INPP5J: variants seen among roughly 807,000 people sequenced by gnomAD.
The protein encoded by INPP5J is phosphatidylinositol 4,5-bisphosphate 5-phosphatase A.
INPP5J carries 75 observed loss-of-function variants against 86.6 expected under a neutral mutation model. The observed-to-expected ratio is 0.87, with a 90% CI of 0.72 to 1.05. The LOEUF (loss-of-function observed/expected upper bound fraction) is 1.05, where lower values mean the gene tolerates loss of function less well. Among genes scored for constraint, INPP5J ranks in the 50% least tolerant of loss-of-function variants. The pLI, the probability that INPP5J is intolerant of heterozygous loss-of-function variation, is 0.00. For synonymous variants in INPP5J, 540 were observed against 550.0 expected, an observed-to-expected ratio of 0.98 and a Z score of 0.25; for missense variants, 1,229 against 1,341.2, an observed-to-expected ratio of 0.92 and a Z score of 1.31.
At position 31,124,815 on chromosome 22, in the gene INPP5J, A is replaced by C. The variant is rs1331812373; in HGVS notation, c.106-30A>C. On this transcript the variant is annotated intron_variant, in intron 1 of 12. Transcript: ENST00000331075. The stretch of plus-strand genomic sequence containing the variant: ...GGGGCCCAATGCCCTGGTTAGGGTC[A>C]CTCTGAATCTTTGACTTGTCCTCCA... 5 of 1,585,180 alleles carry C rather than the reference A, an allele frequency of 3.2e-6. 1 individual carries two copies. The Admixed American group carries it at 8.5e-5, about 27-fold the overall frequency.
At chr22:31,130,955 G>T (rs1364255783) in intron 9 of INPP5J, among the ~76,000 whole-genome samples, 1 of 152,156 alleles carries the variant, frequency 6.6e-6, no homozygotes, top group Non-Finnish European at 1.5e-5. Flanking sequence ...CTCTGCAGTG[G>T]CAGAGCAGGG....
intron 9 of INPP5J, among the ~76,000 whole-genome samples, chr22:31,132,670 T>C (rs1922156993): frequency 6.8e-6 from 1 of 148,110 alleles, no homozygotes; most frequent in African/African-American, 2.5e-5. Context: ...ACCCGGGAGG[T>C]GGAGGTTGCA....
rs755508226 is a variant in INPP5J at position 31,133,666 on chromosome 22, C to A, written c.2466C>A (p.Tyr822Ter). ...GCCATGGAGACTTCATCCTGGGCTA[C>A]TATAGTCACAACCACAGCATCCTCA... Reference protein sequence around the residue: ...PKGHGDFILGYYSHNHSILIG... With the variant: ...PKGHGDFILG The change falls in exon 12 of 13, where the codon TAC becomes TAA. Residue 822 changes from tyrosine to a stop codon, truncating the protein, a stop_gained. Transcript: ENST00000331075. LOFTEE classifies it high-confidence loss of function. The A allele has an allele frequency of 1.2e-6, 2 of 1,613,334 alleles. No homozygotes were observed.
rs1413537351 is a variant in INPP5J at position 31,126,414 on chromosome 22, C to T, written c.1310C>T (p.Pro437Leu). 1 of 1,613,684 alleles carries T rather than the reference C, an allele frequency of 6.2e-7. No individual in the cohort carries two copies. Among genetic ancestry groups the T allele is most frequent in the African/African-American group, 1.3e-5 (1 of 74,900 alleles). The change falls in exon 3 of 13, where the codon CCC becomes CTC. Residue 437 changes from proline to leucine, a missense_variant. Physicochemically the swap from Pro to Leu is moderately conservative, Grantham distance 98 (BLOSUM62 -3). Coordinates refer to ENST00000331075, the MANE Select transcript of INPP5J (RefSeq NM_001284285.2). ...ACATGGAACGTGGGCACTGCCATGC[C>T]CCCAGACGATGTCACATCCCTCCTC... The part of the protein sequence containing the change: ...VVTWNVGTAM[P>L]PDDVTSLLHL...
intron 1 of INPP5J, 27 bp downstream of exon 1, chr22:31,123,146 C>T: frequency 2.2e-6 from 3 of 1,393,300 alleles, no homozygotes; most frequent in Non-Finnish European, 2.9e-6. Flanking sequence ...CCAGTGCCCC[C>T]CGCTTTCCTG....
chr22:31,128,582 G>A lies in INPP5J; in HGVS notation c.2121G>A (p.Gln707=), dbSNP rs1569288006. 1.9e-6 allele frequency: 3 copies of A among 1,612,982 alleles called. No individual in the cohort carries two copies. The highest frequency in any genetic ancestry group is 2.5e-6 in the Non-Finnish European group (3 of 1,179,732). Residue 707 remains glutamine (Q), a synonymous_variant, in exon 9 of 13, where the codon CAG becomes CAA. Coordinates refer to ENST00000331075, the MANE Select transcript of INPP5J (RefSeq NM_001284285.2). ...AGAGCCACCGACTCCAGGTGACGCAGCACAGCTACCGCAGCCACATGGAAT... is the reference window on the plus strand; with the variant it reads ...AGAGCCACCGACTCCAGGTGACGCAACACAGCTACCGCAGCCACATGGAAT... ...GRKSHRLQVT[Q]HSYRSHMEYT...
Position 31,125,613 on chromosome 22 carries a change from C to T in INPP5J, c.874C>T (p.Pro292Ser), listed in dbSNP as rs1921305722. 1 of 1,550,544 alleles carries T rather than the reference C, an allele frequency of 6.4e-7. No homozygotes were observed. Among genetic ancestry groups the T allele is most frequent in the East Asian group, 2.4e-5 (1 of 40,906 alleles). Residue 292 changes from proline (P) to serine (S), a missense_variant, in exon 2 of 13, where the codon CCT becomes TCT. Pro to Ser is a moderately conservative substitution (Grantham distance 74, BLOSUM62 -1). Coordinates refer to ENST00000331075, the MANE Select transcript of INPP5J (RefSeq NM_001284285.2). ...CCGGCCTGAGGCCCTCCACAGCAGC[C>T]CTGAGGATCCTGTTTTGCCACGGCC... ...RARPEALHSS[P>S]EDPVLPRPPQ...
chr22:31,124,071 C>T (rs1014387337), intron 1 of INPP5J: 1 of 156,442 alleles, frequency 6.4e-6, no homozygotes, highest in African/African-American at 2.4e-5. Context: ...TAAATGCAGA[C>T]AATGGGAGAT....
intron 6 of INPP5J, 175 bp from the exon 7 acceptor site, chr22:31,127,776 C>T: frequency 1.6e-6 from 1 of 641,984 alleles, no homozygotes; most frequent in East Asian, 2.7e-5. Context: ...TAGACCGGTC[C>T]CTCTGCTTTT....
chr22:31,122,974 A>AGCCGGAGCCAAGGGAGTCCAGGCT lies in INPP5J; in HGVS notation c.-35_-12dup. ...TGGTTCCCGGGAGCGGTAGAGCTGG[A>AGCCGGAGCCAAGGGAGTCCAGGCT]GCCGGAGCCAAGGGAGTCCAGGCTG... On this transcript the variant is annotated 5_prime_UTR_variant, in exon 1 of 13. Transcript: ENST00000331075. 1 of 1,301,086 alleles carries AGCCGGAGCCAAGGGAGTCCAGGCT rather than the reference A, an allele frequency of 7.7e-7. No homozygotes were observed. The highest frequency in any genetic ancestry group is 1.0e-6 in the Non-Finnish European group (1 of 989,914). The allele number at this position is 1,301,086 out of a possible 1,614,324, so 80.6% of individuals were successfully genotyped here. A position where few individuals can be genotyped will look rare whatever the true frequency, so the allele number is the denominator to read the frequency against.
chr22:31,128,921 C>G (rs762268260), intron 9 of INPP5J, among the ~76,000 whole-genome samples: 17 of 143,520 alleles, frequency 1.2e-4, no homozygotes, highest in South Asian at 2.3e-4. Flanking sequence ...AGAGCCCATG[C>G]CTTTTCTTTT....
At chr22:31,128,693 G>A in intron 9 of INPP5J, 39 bp downstream of exon 9, 1 of 1,516,916 alleles carries the variant, frequency 6.6e-7, no homozygotes, top group Non-Finnish European at 8.9e-7. Context: ...GAAATCCCCA[G>A]GCCCAACTCG....
Position 31,128,455 on chromosome 22 carries a change from C to T in INPP5J, c.2010-16C>T. 6.2e-7 allele frequency: 1 copy of T among 1,612,834 alleles called. No individual in the cohort carries two copies. Among genetic ancestry groups the T allele is most frequent in the African/African-American group, 1.3e-5 (1 of 75,026 alleles). ...TCCCCAGCCCCTGAAACTTGGGGTACCCCTGCTCACTGCAGTGCCAAGAAA... is the reference window on the plus strand; with the variant it reads ...TCCCCAGCCCCTGAAACTTGGGGTATCCCTGCTCACTGCAGTGCCAAGAAA... On this transcript the variant is annotated splice_polypyrimidine_tract_variant and intron_variant, in intron 8 of 12. Transcript: ENST00000331075.
rs532057074 is a variant in INPP5J, at chr22:31,134,413, G to C, written c.3015G>C (p.Gly1005=). 1 of 1,457,586 alleles carries C rather than the reference G, an allele frequency of 6.9e-7. No homozygotes were observed. Among genetic ancestry groups the C allele is most frequent in the Admixed American group, 2.7e-5 (1 of 37,262 alleles). The allele number at this position is 1,457,586 out of a possible 1,614,324, so 90.3% of individuals were successfully genotyped here. A position where few individuals can be genotyped will look rare whatever the true frequency, so the allele number is the denominator to read the frequency against. ...GGGGGCTGGAGGAAGGGGGCCTGGGGCCCTGAGGGTGGGGTAGGCAGATGG... is the reference window on the plus strand; with the variant it reads ...GGGGGCTGGAGGAAGGGGGCCTGGGCCCCTGAGGGTGGGGTAGGCAGATGG... The part of the protein sequence containing the change: ...GHRGLEEGGL[G]P Residue 1005 remains glycine (G), a synonymous_variant, in exon 13 of 13, where the codon GGG becomes GGC. Transcript: ENST00000331075.
At position 31,126,698 on chromosome 22, in the gene INPP5J, C is replaced by G. The variant is rs11703652; in HGVS notation, c.1471C>G (p.Leu491Val). Residue 491 changes from leucine (L) to valine (V), a missense_variant, in exon 4 of 13, where the codon CTA becomes GTA. Coordinates refer to ENST00000331075, the MANE Select transcript of INPP5J (RefSeq NM_001284285.2). Reference protein sequence around the residue: ...DQWSELFMDALGPFNFVLVSS... With the variant: ...DQWSELFMDAVGPFNFVLVSS... ...GTGGAGTGAGCTGTTCATGGATGCG[C>G]TAGGGCCCTTCAACTTCGTGCTGGT... 1.2e-6 allele frequency: 2 copies of G among 1,613,674 alleles called. No individual in the cohort carries two copies. Among genetic ancestry groups the G allele is most frequent in the African/African-American group, 2.7e-5 (2 of 74,928 alleles).
intron 1 of INPP5J, 62 bp from the exon 2 acceptor site, chr22:31,124,783 G>A (rs1465896538): frequency 7.0e-7 from 1 of 1,433,504 alleles, no homozygotes; most frequent in Non-Finnish European, 9.6e-7. Context: ...GGGTCTATAT[G>A]GAAGTTGGGG....
chr22:31,125,367 C>A lies in INPP5J; in HGVS notation c.628C>A (p.Leu210Met), dbSNP rs1470411608. 1 of 1,550,618 alleles carries A rather than the reference C, an allele frequency of 6.4e-7. No individual in the cohort carries two copies. Among genetic ancestry groups the A allele is most frequent in the Non-Finnish European group, 8.7e-7 (1 of 1,146,996 alleles). ...CCCTTCCCCGGTGCCCAGTCCAGTT[C>A]TGTCTCCAACTCAGGAACAGGCCCT... is the stretch of plus-strand genomic sequence containing the variant. Reference protein sequence around the residue: ...STPSPVPSPVLSPTQEQALAP... With the variant: ...STPSPVPSPVMSPTQEQALAP... The change falls in exon 2 of 13, where the codon CTG (leucine) becomes ATG (methionine). Residue 210 changes from leucine to methionine, a missense_variant. Transcript: ENST00000331075.
At chr22:31,124,407 A>T in intron 1 of INPP5J, 2 of 770,174 alleles carry the variant, frequency 2.6e-6, no homozygotes, top group Non-Finnish European at 3.2e-6. Flanking sequence ...ATAGAAAAAG[A>T]AAAGAAACAG....
chr22:31,133,331 G>A lies in INPP5J; in HGVS notation c.2332-75G>A, dbSNP rs1455491284. 101 of 1,586,696 alleles carry A rather than the reference G, an allele frequency of 6.4e-5. 1 individual carries two copies. Among genetic ancestry groups the A allele is most frequent in the Non-Finnish European group, 8.6e-5 (100 of 1,166,448 alleles). ...GGGGTCACTGGCTTGTCCAGATCTT[G>A]ATGCCACACTGGGAGACTGCTGGGA... On this transcript the variant is annotated intron_variant, in intron 10 of 12. Coordinates refer to ENST00000331075, the MANE Select transcript of INPP5J (RefSeq NM_001284285.2).
Sources: gnomAD v4.1 joint callset for allele counts (sites outside exome capture counted in the v4.1 genomes callset) on GRCh38, gnomAD v4.1.1 for gene constraint, MANE v1.5 for transcripts, NCBI Gene and HGNC (gene_info 2026-07-23, HGNC 2026-07-21) for gene names.